Variants in MRPL1 observed in about 807,000 individuals in gnomAD.
MRPL1 encodes mitochondrial ribosomal protein L1.
A neutral mutation model predicts 38.0 loss-of-function variants in MRPL1; 28 were observed. The ratio of observed to expected loss-of-function variants is 0.74; its 90% CI spans 0.55 to 1.01. The LOEUF is 1.01. Ranked by LOEUF, MRPL1 falls within the 50% of genes least tolerant of loss-of-function variation. The pLI is 0.00. For synonymous variants in MRPL1, 123 were observed against 126.7 expected, an observed-to-expected ratio of 0.97 and a Z score of 0.20; for missense variants, 358 against 389.8, an observed-to-expected ratio of 0.92 and a Z score of 0.69.
intron 7 of MRPL1, among the ~76,000 whole-genome samples, chr4:77,924,575 T>G (rs1234447597): frequency 6.6e-6 from 1 of 152,142 alleles, no homozygotes; most frequent in East Asian, 1.9e-4. Flanking sequence ...TTTCATTCCT[T>G]TGATTACATT....
Position 77,952,629 on chromosome 4 carries a change from C to CT in MRPL1, c.*25dup. ...CTAAATGTGGTGAATTGTGAAATTA[C>CT]TTTCAGTGGTTTAAGAAGCAATGGA... is the stretch of plus-strand genomic sequence containing the variant. On this transcript the variant is annotated 3_prime_UTR_variant, in exon 9 of 9. Transcript: ENST00000315567. The CT allele has an allele frequency of 6.8e-7, 1 of 1,464,434 alleles. No homozygotes were observed. The highest frequency in any genetic ancestry group is 9.5e-7 in the Non-Finnish European group (1 of 1,049,194). 90.7% of individuals were successfully genotyped at this position (1,464,434 alleles called of 1,614,324 possible).
intron 2 of MRPL1, among the ~76,000 whole-genome samples, chr4:77,876,940 G>C (rs928710867): frequency 1.3e-5 from 2 of 151,462 alleles, no homozygotes; most frequent in East Asian, 3.9e-4. Flanking sequence ...TGCTCTTTTT[G>C]CCCAGGCTGG....
intron 6 of MRPL1, among the ~76,000 whole-genome samples, chr4:77,901,299 G>A (rs191945948): frequency 1.6e-3 from 248 of 152,166 alleles, no homozygotes; most frequent in Non-Finnish European, 2.8e-3. Context: ...GAATAAAAAT[G>A]ATATGCTAAA....
chr4:77,948,184 A>G (rs1449687367), intron 7 of MRPL1, among the ~76,000 whole-genome samples: 2 of 152,120 alleles, frequency 1.3e-5, no homozygotes, highest in African/African-American at 2.4e-5. Flanking sequence ...TCTTTTCCAA[A>G]TTTTAAGTAG....
At chr4:77,891,315 C>T (rs1338112479) in intron 5 of MRPL1, among the ~76,000 whole-genome samples, 1 of 150,170 alleles carries the variant, frequency 6.7e-6, no homozygotes, top group Non-Finnish European at 1.5e-5. Flanking sequence ...CCTTGTAGAA[C>T]TGTCATAGCC....
chr4:77,938,803 T>TAA (rs1247699127), intron 7 of MRPL1, among the ~76,000 whole-genome samples: 3 of 152,300 alleles, frequency 2.0e-5, no homozygotes. Flanking sequence ...CATATGCACC[T>TAA]AAACCCAGTC....
chr4:77,922,591 A>G (rs1392765173), intron 7 of MRPL1, among the ~76,000 whole-genome samples: 2 of 152,148 alleles, frequency 1.3e-5, no homozygotes, highest in Non-Finnish European at 2.9e-5. Context: ...AGTAGCTTGG[A>G]CCTATTCATT....
At chr4:77,938,961 T>C (rs1287768168) in intron 7 of MRPL1, among the ~76,000 whole-genome samples, 2 of 152,202 alleles carry the variant, frequency 1.3e-5, no homozygotes, top group Non-Finnish European at 2.9e-5. Context: ...AGGTGGTGTT[T>C]GGTTACAGGA....
rs146528130 is a variant in MRPL1 at position 77,912,370 on chromosome 4, A to G, written c.777+2998A>G. On this transcript the variant is annotated intron_variant, in intron 7 of 8. Coordinates refer to ENST00000315567, the MANE Select transcript of MRPL1 (RefSeq NM_020236.4). ...AACGAAGTGAGTTAACTAAGGTTGAAGGTAGAAGCTCAATGTACAAAAATG... is the reference window on the plus strand; with the variant it reads ...AACGAAGTGAGTTAACTAAGGTTGAGGGTAGAAGCTCAATGTACAAAAATG... Among the ~76,000 whole-genome samples the G allele has an allele frequency of 9.5e-4, 145 of 152,292 alleles. 1 individual carries two copies. In the East Asian group the frequency reaches 0.021, roughly 22 times the overall value.
intron 7 of MRPL1, among the ~76,000 whole-genome samples, chr4:77,917,410 C>G (rs953130326): frequency 5.3e-5 from 8 of 152,100 alleles, no homozygotes; most frequent in Admixed American, 3.9e-4. Context: ...CCTTTTCTAT[C>G]CAGTAGAAAA....
Position 77,883,195 on chromosome 4 carries a change from T to A in MRPL1, c.144-47T>A, listed in dbSNP as rs773377944. The A allele has an allele frequency of 1.7e-5, 20 of 1,195,242 alleles. No homozygotes were observed. The East Asian group carries it at 4.0e-4, about 24-fold the overall frequency. 74.0% of individuals were successfully genotyped at this position (1,195,242 alleles called of 1,614,324 possible). On this transcript the variant is annotated intron_variant, in intron 2 of 8. Coordinates refer to ENST00000315567, the MANE Select transcript of MRPL1 (RefSeq NM_020236.4). ...ACACTGGCTTTTTTTTTAAAAAAAATCTCTTAGGATATATATTGATATAAC... is the reference window on the plus strand; with the variant it reads ...ACACTGGCTTTTTTTTTAAAAAAAAACTCTTAGGATATATATTGATATAAC...
chr4:77,919,835 T>TTA (rs34248907), intron 7 of MRPL1, among the ~76,000 whole-genome samples: 9,371 of 149,652 alleles, frequency 0.063, 376 homozygotes, highest in African/African-American at 0.12. Context: ...CAGATCCATG[T>TTA]TATATATATA....
intron 1 of MRPL1, among the ~76,000 whole-genome samples, chr4:77,868,223 C>T (rs1735200191): frequency 6.6e-6 from 1 of 151,856 alleles, no homozygotes. Context: ...TCACCATGCC[C>T]AGCTAACTTT....
intron 7 of MRPL1, among the ~76,000 whole-genome samples, chr4:77,912,183 C>G (rs114036672): frequency 3.2e-4 from 48 of 152,200 alleles, no homozygotes; most frequent in African/African-American, 1.1e-3. Context: ...AGATCAGGAA[C>G]AAGACAAGGA....
intron 6 of MRPL1, among the ~76,000 whole-genome samples, chr4:77,905,117 T>C (rs1166179260): frequency 6.6e-6 from 1 of 152,142 alleles, no homozygotes; most frequent in Admixed American, 6.5e-5. Flanking sequence ...CCTGTATCCA[T>C]AATATATAAA....
In MRPL1 at chr4:77,862,871, T is replaced by C. The variant is rs571113768; in HGVS notation, c.23T>C (p.Met8Thr). 3.1e-6 allele frequency: 5 copies of C among 1,613,850 alleles called. No individual in the cohort carries two copies. Among genetic ancestry groups the C allele is most frequent in the East Asian group, 4.5e-5 (2 of 44,870 alleles). MAAAVRC[M>T]GRALIHHQRH... ...AACATGGCGGCGGCCGTAAGGTGCA[T>C]GGGTAGAGGTAAGGCGAGGGGTTGT... Residue 8 changes from methionine to threonine, a missense_variant, in exon 1 of 9, where the codon ATG becomes ACG. Physicochemically the swap from Met to Thr is moderately conservative, Grantham distance 81. Coordinates refer to ENST00000315567, the MANE Select transcript of MRPL1 (RefSeq NM_020236.4).
chr4:77,921,632 G>T (rs1022374660), intron 7 of MRPL1, among the ~76,000 whole-genome samples: 10 of 152,126 alleles, frequency 6.6e-5, no homozygotes, highest in Admixed American at 2.0e-4. Flanking sequence ...TCTGAGAAAA[G>T]TATTAAATAC....
At chr4:77,940,688 C>A (rs550573395) in intron 7 of MRPL1, among the ~76,000 whole-genome samples, 9 of 152,008 alleles carry the variant, frequency 5.9e-5, no homozygotes, top group Non-Finnish European at 8.8e-5. Context: ...GGTTTGTCAT[C>A]GTGGCTTTTA....
chr4:77,885,088 G>C (rs2110236139), intron 3 of MRPL1, among the ~76,000 whole-genome samples, 168 bp from the exon 4 acceptor site: 1 of 151,578 alleles, frequency 6.6e-6, no homozygotes, highest in South Asian at 2.1e-4. Flanking sequence ...TGTAATCGAT[G>C]AATAGTAATT....
Sources: allele counts gnomAD v4.1 joint callset (sites outside exome capture counted in the v4.1 genomes callset), GRCh38; gene constraint gnomAD v4.1.1; transcripts MANE v1.5; gene names NCBI Gene and HGNC (gene_info 2026-07-23, HGNC 2026-07-21).